STAM2: variants seen among roughly 807,000 people sequenced by gnomAD.
STAM2 encodes the protein signal transducing adapter molecule 2.
A neutral mutation model predicts 65.6 loss-of-function variants in STAM2; 51 were observed. The observed-to-expected ratio is 0.78, with a 90% CI of 0.62 to 0.98. The LOEUF is 0.98. STAM2 is among the 50% of genes least tolerant of loss of function. The pLI, the probability that STAM2 is intolerant of heterozygous loss-of-function variation, is 0.00. For missense variants in STAM2, 584 were observed against 617.8 expected, an observed-to-expected ratio of 0.95 and a Z score of 0.58; for synonymous variants, 198 against 208.4, an observed-to-expected ratio of 0.95 and a Z score of 0.43.
At chr2:152,149,778 G>A (rs542812253) in intron 2 of STAM2, among the ~76,000 whole-genome samples, 3 of 152,250 alleles carry the variant, frequency 2.0e-5, no homozygotes, top group East Asian at 3.9e-4. Flanking sequence ...GATTATAGGC[G>A]TGAGCCACTG....
intron 1 of STAM2, among the ~76,000 whole-genome samples, chr2:152,156,987 A>C (rs1669575685): frequency 6.6e-6 from 1 of 152,166 alleles, no homozygotes; most frequent in Admixed American, 6.5e-5. Flanking sequence ...AATGAATAGC[A>C]GGCAGAGCAG....
chr2:152,133,495 A>C lies in STAM2; in HGVS notation c.800-11T>G, dbSNP rs1430976576. ...ATTTGTCCACAGCCGCTATAGAAAC[A>C]AAGTAATTTTAAGTTCCTCAGCATT... On this transcript the variant is annotated splice_polypyrimidine_tract_variant and intron_variant, in intron 8 of 13. Coordinates refer to ENST00000263904, the MANE Select transcript of STAM2 (RefSeq NM_005843.6). 2 of 1,606,146 alleles carry C rather than the reference A, an allele frequency of 1.2e-6. No individual in the cohort carries two copies. Among genetic ancestry groups the C allele is most frequent in the African/African-American group, 1.3e-5 (1 of 74,784 alleles).
In STAM2 at chr2:152,175,733, C is replaced by T; in HGVS notation, c.-91G>A. 7.1e-7 allele frequency: 1 copy of T among 1,413,874 alleles called. No homozygotes were observed. Among genetic ancestry groups the T allele is most frequent in the Non-Finnish European group, 9.7e-7 (1 of 1,027,234 alleles). The allele number at this position is 1,413,874 out of a possible 1,614,324, so 87.6% of individuals were successfully genotyped here. A position where few individuals can be genotyped will look rare whatever the true frequency, so the allele number is the denominator to read the frequency against. ...TGACCCGCGGCCGCGGCTCCCTAGACCGCTCCGCTTCGGCCTCCGTCCCTG... is the reference window on the plus strand; with the variant it reads ...TGACCCGCGGCCGCGGCTCCCTAGATCGCTCCGCTTCGGCCTCCGTCCCTG... On this transcript the variant is annotated 5_prime_UTR_variant, in exon 1 of 14. Transcript: ENST00000263904.
chr2:152,164,176 TTCTC>T lies in STAM2; in HGVS notation c.40+11423_40+11426del, dbSNP rs538372332. Among the ~76,000 whole-genome samples, 45 of 152,216 alleles carry T rather than the reference TTCTC, an allele frequency of 3.0e-4. No homozygotes were observed. In the East Asian group the frequency reaches 7.3e-3, roughly 25 times the overall value. ...TGTAAAATTCTTCTCTTTGTACTCT[TTCTC>T]TCTATTTCTCAGACTGGCCGACACT... On this transcript the variant is annotated intron_variant, in intron 1 of 13. Transcript: ENST00000263904.
At chr2:152,121,289 T>C (rs1329634497) in intron 13 of STAM2, among the ~76,000 whole-genome samples, 1 of 152,206 alleles carries the variant, frequency 6.6e-6, no homozygotes, top group Non-Finnish European at 1.5e-5. Flanking sequence ...ATGTAATTTT[T>C]ATATTTGGTA....
At chr2:152,131,642 T>C (rs931719573) in intron 11 of STAM2, 22 of 183,116 alleles carry the variant, frequency 1.2e-4, no homozygotes, top group Admixed American at 1.1e-3. Context: ...GGGGTAAAAG[T>C]AGACTCTGAA....
chr2:152,130,871 C>T (rs1689047307), intron 11 of STAM2, among the ~76,000 whole-genome samples: 1 of 151,130 alleles, frequency 6.6e-6, no homozygotes, highest in South Asian at 2.1e-4. Context: ...GTGGCAGGCA[C>T]CTGTAATCCT....
chr2:152,128,643 C>T (rs77627754), intron 11 of STAM2, among the ~76,000 whole-genome samples: 7,676 of 152,138 alleles, frequency 0.05, 553 homozygotes, highest in African/African-American at 0.16. Context: ...GCAACTTGAT[C>T]AGGTGGTAGA....
chr2:152,150,201 T>C lies in STAM2; in HGVS notation c.69A>G (p.Thr23=), dbSNP rs371892635. 3.7e-6 allele frequency: 6 copies of C among 1,613,416 alleles called. No homozygotes were observed. The highest frequency in any genetic ancestry group is 5.1e-6 in the Non-Finnish European group (6 of 1,179,612). ...VEKATNEYNT[T]EDWSLIMDIC... ...TGTCCATAATAAGACTCCAATCTTCTGTAGTGTTGTACTCATTCGTGGCTT... is the reference window on the plus strand; with the variant it reads ...TGTCCATAATAAGACTCCAATCTTCCGTAGTGTTGTACTCATTCGTGGCTT... Residue 23 remains threonine (T), a synonymous_variant, in exon 2 of 14, where the codon ACA becomes ACG. Coordinates refer to ENST00000263904, the MANE Select transcript of STAM2 (RefSeq NM_005843.6).
At chr2:152,170,342 G>C (rs765505132) in intron 1 of STAM2, among the ~76,000 whole-genome samples, 1 of 151,914 alleles carries the variant, frequency 6.6e-6, no homozygotes, top group African/African-American at 2.4e-5. Flanking sequence ...AATTACCTGG[G>C]CATGGTAGCA....
intron 1 of STAM2, among the ~76,000 whole-genome samples, chr2:152,161,241 G>T (rs1264067223): frequency 6.6e-6 from 1 of 151,224 alleles, no homozygotes; most frequent in Admixed American, 6.6e-5. Flanking sequence ...GTCCACTCAG[G>T]GTTGAATGGA....
chr2:152,150,106 A>G, intron 2 of STAM2, 39 bp downstream of exon 2: 2 of 1,369,424 alleles, frequency 1.5e-6, no homozygotes, highest in Non-Finnish European at 2.1e-6. Flanking sequence ...CTGGTTATCA[A>G]GTTCCTAGAC....
At chr2:152,146,786 A>G (rs1689343524) in intron 5 of STAM2, among the ~76,000 whole-genome samples, 1 of 152,170 alleles carries the variant, frequency 6.6e-6, no homozygotes, top group African/African-American at 2.4e-5. Context: ...TATGCAGTCT[A>G]TTCCCCTCAT....
chr2:152,147,378 A>G, intron 4 of STAM2, 70 bp from the exon 5 acceptor site: 1 of 1,356,456 alleles, frequency 7.4e-7, no homozygotes, highest in Non-Finnish European at 9.8e-7. Context: ...TTATTTAACA[A>G]GGAGAATTAC....
intron 7 of STAM2, among the ~76,000 whole-genome samples, chr2:152,141,353 T>C (rs941151854): frequency 6.6e-6 from 1 of 151,576 alleles, no homozygotes; most frequent in Non-Finnish European, 1.5e-5. Context: ...CTGGCCAACA[T>C]GGCGAAACCC....
At chr2:152,145,989 G>A (rs902026913) in intron 5 of STAM2, among the ~76,000 whole-genome samples, 2 of 151,302 alleles carry the variant, frequency 1.3e-5, no homozygotes, top group African/African-American at 4.9e-5. Context: ...ATCTTTTTTC[G>A]GCCAGCGTGG....
chr2:152,148,658 CAAAAT>C (rs1348362123), intron 2 of STAM2, among the ~76,000 whole-genome samples: 1 of 151,128 alleles, frequency 6.6e-6, no homozygotes. Flanking sequence ...GACCGTGTCT[CAAAAT>C]AAAGAAAGTA....
intron 1 of STAM2, among the ~76,000 whole-genome samples, chr2:152,159,487 G>A (rs1579330994): frequency 6.6e-6 from 1 of 152,016 alleles, no homozygotes; most frequent in East Asian, 1.9e-4. Context: ...CTTCAAAAAT[G>A]TAGAAAAGCC....
intron 11 of STAM2, 33 bp from the exon 12 acceptor site, chr2:152,126,412 C>G (rs374974704): frequency 7.5e-7 from 1 of 1,333,060 alleles, no homozygotes; most frequent in East Asian, 2.7e-5. Context: ...TAATACTCTT[C>G]TAGTTTTTAG....
Sources: gnomAD v4.1 joint callset for allele counts (sites outside exome capture counted in the v4.1 genomes callset) on GRCh38, gnomAD v4.1.1 for gene constraint, MANE v1.5 for transcripts, NCBI Gene and HGNC (gene_info 2026-07-23, HGNC 2026-07-21) for gene names.